Variants in ZNF385D observed in about 807,000 individuals in gnomAD.
ZNF385D encodes the protein zinc finger protein 385D.
Under a neutral mutation model 35.8 loss-of-function variants are expected in ZNF385D, and 15 were observed. The ratio of observed to expected loss-of-function variants is 0.42; its 90% CI spans 0.28 to 0.64. ZNF385D has a LOEUF of 0.64. Among genes scored for constraint, ZNF385D ranks in the 30% least tolerant of loss-of-function variants. The probability of loss-of-function intolerance (pLI) is 0.23; values close to 1 mark genes in which losing one functional copy is unlikely to be tolerated. For synonymous variants in ZNF385D, 212 were observed against 186.8 expected (o/e 1.13, Z -1.10); for missense variants, 474 against 494.6 (o/e 0.96, Z 0.39).
intron 3 of ZNF385D, among the ~76,000 whole-genome samples, chr3:22,123,301 T>A (rs1339784806): frequency 6.6e-6 from 1 of 152,134 alleles, no homozygotes; most frequent in Admixed American, 6.5e-5. Flanking sequence ...CAAGTTATAT[T>A]TGAGATATTT....
chr3:22,117,450 A>G lies in ZNF385D; in HGVS notation c.325+51367T>C, dbSNP rs1191138262. ...TGATTTTGAAATTAAGAACAGGCTT[A>G]TCTCTCTGGCTTGAGGAGGAAAAGA... On this transcript the variant is annotated intron_variant, in intron 3 of 5. Transcript: ENST00000494108. Among the ~76,000 whole-genome samples, 5 of 152,038 alleles carry G rather than the reference A, an allele frequency of 3.3e-5. No homozygotes were observed. The East Asian group carries it at 9.6e-4, about 29-fold the overall frequency.
intron 2 of ZNF385D, among the ~76,000 whole-genome samples, chr3:21,624,209 AAC>A (rs2065077627): frequency 1.3e-5 from 2 of 152,068 alleles, no homozygotes; most frequent in Non-Finnish European, 2.9e-5. Flanking sequence ...TTGCCATCAC[AAC>A]ACAGTTTTGG....
intron 2 of ZNF385D, among the ~76,000 whole-genome samples, chr3:22,235,712 C>G (rs77479917): frequency 0.041 from 6,206 of 152,130 alleles, 224 homozygotes; most frequent in South Asian, 0.11. Context: ...AATCAAAATA[C>G]TTTGCAGTTA....
chr3:22,277,583 G>T (rs147610537), intron 2 of ZNF385D, among the ~76,000 whole-genome samples: 165 of 152,180 alleles, frequency 1.1e-3, no homozygotes, highest in African/African-American at 3.7e-3. Flanking sequence ...GCTATTATAA[G>T]ACTCTAGAAA....
At chr3:21,713,453 G>C (rs1353992375) in intron 1 of ZNF385D, among the ~76,000 whole-genome samples, 1 of 151,940 alleles carries the variant, frequency 6.6e-6, no homozygotes, top group East Asian at 1.9e-4. Flanking sequence ...ATAGAGGTGG[G>C]GTATACATTC....
intron 2 of ZNF385D, among the ~76,000 whole-genome samples, chr3:21,614,667 C>T (rs2064790373): frequency 6.6e-6 from 1 of 152,210 alleles, no homozygotes; most frequent in East Asian, 1.9e-4. Flanking sequence ...CGGCTCACTA[C>T]AACCTCTGCC....
At chr3:21,717,687 T>C (rs189785067) in intron 1 of ZNF385D, among the ~76,000 whole-genome samples, 2 of 152,302 alleles carry the variant, frequency 1.3e-5, no homozygotes, top group Admixed American at 6.5e-5. Flanking sequence ...TGGTAGTGAA[T>C]AAGTCTCATG....
chr3:21,870,507 G>A (rs948942492), intron 3 of ZNF385D, among the ~76,000 whole-genome samples: 2 of 152,136 alleles, frequency 1.3e-5, no homozygotes, highest in South Asian at 4.1e-4. Context: ...ATTCATGTAA[G>A]AAGCAGTAGT....
At chr3:22,167,139 C>G (rs1344761671) in intron 3 of ZNF385D, among the ~76,000 whole-genome samples, 1 of 152,214 alleles carries the variant, frequency 6.6e-6, no homozygotes, top group African/African-American at 2.4e-5. Flanking sequence ...AGCCAAGCTA[C>G]AAGTCAAATC....
chr3:21,846,632 G>A (rs1282989370), intron 3 of ZNF385D, among the ~76,000 whole-genome samples: 1 of 151,992 alleles, frequency 6.6e-6, no homozygotes, highest in Non-Finnish European at 1.5e-5. Context: ...CTACTGCGGT[G>A]GAGGGGCGAT....
intron 3 of ZNF385D, among the ~76,000 whole-genome samples, chr3:21,547,987 C>T (rs891282355): frequency 6.6e-6 from 1 of 152,104 alleles, no homozygotes; most frequent in Admixed American, 6.5e-5. Context: ...CCAGCCTGTC[C>T]ACTGAGCTGT....
intron 3 of ZNF385D, among the ~76,000 whole-genome samples, chr3:21,792,475 T>C (rs926007217): frequency 6.6e-6 from 1 of 152,222 alleles, no homozygotes; most frequent in Non-Finnish European, 1.5e-5. Flanking sequence ...CAGGCTACAA[T>C]GGCACAGTTG....
Position 21,987,779 on chromosome 3 carries a change from C to T in ZNF385D, c.325+181038G>A, listed in dbSNP as rs201615779. 4.6e-4 allele frequency among the ~76,000 whole-genome samples: 61 copies of T among 131,850 alleles called. 2 individuals are homozygous for T. The East Asian group carries it at 0.012, about 27-fold the overall frequency. 86.5% of individuals were successfully genotyped at this position (131,850 alleles called of 152,430 possible). On this transcript the variant is annotated intron_variant, in intron 3 of 5. Coordinates refer to the ZNF385D transcript ENST00000494108. ...TGCAGAGTGTTTTCCAAGTTGGTTCCATTCTCCCCATCACTTTCAGGTACA... is the reference window on the plus strand; with the variant it reads ...TGCAGAGTGTTTTCCAAGTTGGTTCTATTCTCCCCATCACTTTCAGGTACA...
At chr3:22,210,756 T>C (rs569348177) in intron 2 of ZNF385D, among the ~76,000 whole-genome samples, 230 of 151,988 alleles carry the variant, frequency 1.5e-3, no homozygotes, top group Middle Eastern at 3.4e-3. Flanking sequence ...ATTTACACTT[T>C]AGGTTCTAGC....
rs183444939 is a variant in ZNF385D, at chr3:21,655,184, A to G, written c.165+9702T>C. 4.2e-3 allele frequency among the ~76,000 whole-genome samples: 633 copies of G among 152,080 alleles called. 1 individual carries two copies. Among genetic ancestry groups the G allele is most frequent in the Non-Finnish European group, 7.4e-3 (500 of 67,902 alleles). On this transcript the variant is annotated intron_variant, in intron 2 of 7. Transcript: ENST00000281523. ...GATTCTGGTTCAATAGGCTTCCTCA[A>G]TGCCTGCAATTTCTGTGTTTCTCCT...
intron 2 of ZNF385D, among the ~76,000 whole-genome samples, chr3:22,318,974 C>G (rs1704049641): frequency 6.6e-6 from 1 of 152,096 alleles, no homozygotes; most frequent in Non-Finnish European, 1.5e-5. Context: ...CTTTTTAAAG[C>G]TGTGACTATT....
chr3:21,766,605 A>G (rs778144995), intron 3 of ZNF385D, among the ~76,000 whole-genome samples: 8 of 152,170 alleles, frequency 5.3e-5, no homozygotes, highest in Non-Finnish European at 1.2e-4. Flanking sequence ...GCAGTAGAAT[A>G]GAGAACATTT....
chr3:21,889,111 G>C (rs1698705108), intron 3 of ZNF385D, among the ~76,000 whole-genome samples: 3 of 152,182 alleles, frequency 2.0e-5, no homozygotes, highest in Admixed American at 6.5e-5. Context: ...GGGATGCAGA[G>C]GGCAAACAAC....
chr3:21,753,823 C>T (rs1188060154), upstream of ZNF385D, among the ~76,000 whole-genome samples: 1 of 150,592 alleles, frequency 6.6e-6, no homozygotes, highest in Non-Finnish European at 1.5e-5. Context: ...GCGTTTTGTA[C>T]TTTGAGCAAC....
Sources: gnomAD v4.1 joint callset for allele counts (sites outside exome capture counted in the v4.1 genomes callset) on GRCh38, gnomAD v4.1.1 for gene constraint, MANE v1.5 for transcripts, NCBI Gene and HGNC (gene_info 2026-07-23, HGNC 2026-07-21) for gene names.